The following SLC22A23 variants were observed in gnomAD, a reference collection of about 807,000 sequenced individuals.
SLC22A23 encodes the protein ion transporter protein.
Under a neutral mutation model 61.0 loss-of-function variants are expected in SLC22A23, and 26 were observed. That is an observed-to-expected ratio of 0.43 (90% CI 0.31 to 0.59). The LOEUF (loss-of-function observed/expected upper bound fraction) is 0.59. Ranked by LOEUF, SLC22A23 falls within the 20% of genes least tolerant of loss-of-function variation. SLC22A23 has a pLI of 0.11. For synonymous variants in SLC22A23, 430 were observed against 413.9 expected (o/e 1.04, Z -0.47); for missense variants, 796 against 934.7 (o/e 0.85, Z 1.94).
At position 3,324,241 on chromosome 6, in the gene SLC22A23, T is replaced by A. The variant is rs191562730; in HGVS notation, c.914-239A>T. ...ACAGGGCTAGTCGATGACGAAGGGATGCTATAATTCAGAGGAGCTTAGCTC... is the reference window on the plus strand; with the variant it reads ...ACAGGGCTAGTCGATGACGAAGGGAAGCTATAATTCAGAGGAGCTTAGCTC... On this transcript the variant is annotated intron_variant, in intron 3 of 9. Transcript: ENST00000406686. The surrounding 1 kb of genome is among the most constrained non-coding windows in gnomAD (Gnocchi z 4.3). 1,804 of 547,302 alleles carry A rather than the reference T, an allele frequency of 3.3e-3. 8 individuals are homozygous for A. The highest frequency in any genetic ancestry group is 4.7e-3 in the Non-Finnish European group (1,432 of 306,320). 33.9% of individuals were successfully genotyped at this position (547,302 alleles called of 1,614,324 possible). A position where few individuals can be genotyped will look rare whatever the true frequency, so the allele number is the denominator to read the frequency against.
At chr6:3,418,195 G>A (rs971534616) in intron 1 of SLC22A23, among the ~76,000 whole-genome samples, 5 of 152,166 alleles carry the variant, frequency 3.3e-5, no homozygotes, top group Admixed American at 1.3e-4. Flanking sequence ...AACACATCCC[G>A]ACCCCAGGTT....
At chr6:3,434,675 T>C (rs561048637) in intron 1 of SLC22A23, among the ~76,000 whole-genome samples, 16 of 152,002 alleles carry the variant, frequency 1.1e-4, no homozygotes, top group African/African-American at 3.6e-4. Context: ...ATCTGATGGA[T>C]TGCGAGGAGC....
At chr6:3,293,175 T>G (rs1760765711) in intron 5 of SLC22A23, among the ~76,000 whole-genome samples, 1 of 152,112 alleles carries the variant, frequency 6.6e-6, no homozygotes, top group Non-Finnish European at 1.5e-5. Flanking sequence ...GCTAGTGCGT[T>G]AGGGGTGAAA....
At chr6:3,334,824 T>G (rs977381136) in intron 3 of SLC22A23, among the ~76,000 whole-genome samples, 21 of 152,220 alleles carry the variant, frequency 1.4e-4, no homozygotes, top group African/African-American at 5.1e-4. Flanking sequence ...GACTGCACAC[T>G]GCCAGTCTGC....
chr6:3,424,177 T>C (rs1770326769), intron 1 of SLC22A23, among the ~76,000 whole-genome samples: 1 of 152,150 alleles, frequency 6.6e-6, no homozygotes. Context: ...CACTACCTCC[T>C]GCCCCAACCC....
rs945847736 is a variant in SLC22A23, at chr6:3,304,633, G to A, written c.1083-6415C>T. ...TTGGATAGAAGCCCGCATGGCGTGG[G>A]TTGTAGTGGGGGCAGTCCCAGGCAG... On this transcript the variant is annotated intron_variant, in intron 4 of 9. Coordinates refer to ENST00000406686, the MANE Select transcript of SLC22A23 (RefSeq NM_015482.2). This position sits in a 1 kb window ranked among gnomAD's most constrained non-coding sequence, Gnocchi z 4.3. 2.6e-5 allele frequency among the ~76,000 whole-genome samples: 4 copies of A among 151,708 alleles called. No homozygotes were observed. The highest frequency in any genetic ancestry group is 9.7e-5 in the African/African-American group (4 of 41,416).
In SLC22A23 at chr6:3,272,958, G is replaced by A. The variant is rs372610873; in HGVS notation, c.*97C>T. The A allele has an allele frequency of 3.6e-5, 41 of 1,147,300 alleles. 1 individual carries two copies. The highest frequency in any genetic ancestry group is 2.9e-4 in the Admixed American group (12 of 40,812). The allele number at this position is 1,147,300 out of a possible 1,614,324, so 71.1% of individuals were successfully genotyped here. A position where few individuals can be genotyped will look rare whatever the true frequency, so the allele number is the denominator to read the frequency against. ...AGTTGAGAGGCTCAGCTTGGCTGAG[G>A]CAGCTTTCCCACCCCTGGCTGCGTG... On this transcript the variant is annotated 3_prime_UTR_variant, in exon 10 of 10. Coordinates refer to ENST00000406686, the MANE Select transcript of SLC22A23 (RefSeq NM_015482.2).
At chr6:3,382,038 A>T (rs1287862781) in intron 3 of SLC22A23, among the ~76,000 whole-genome samples, 1 of 152,230 alleles carries the variant, frequency 6.6e-6, no homozygotes, top group Non-Finnish European at 1.5e-5. Flanking sequence ...AAGGGGAATA[A>T]CTCAGTGGAG....
intron 1 of SLC22A23, among the ~76,000 whole-genome samples, chr6:3,450,814 T>C (rs9503599): frequency 0.41 from 61,965 of 152,000 alleles, 13,087 homozygotes; most frequent in South Asian, 0.63. Context: ...CATCATATGA[T>C]AACTAGGATC....
chr6:3,342,235 C>T lies in SLC22A23; in HGVS notation c.914-18233G>A, dbSNP rs1764194093. ...GGAAGCCTCAATTTGAAATCCAGCCCAATGTGGTTTGCTGTTTTAAGGCCA... is the reference window on the plus strand; with the variant it reads ...GGAAGCCTCAATTTGAAATCCAGCCTAATGTGGTTTGCTGTTTTAAGGCCA... On this transcript the variant is annotated intron_variant, in intron 3 of 9. Transcript: ENST00000406686. This position sits in a 1 kb window ranked among gnomAD's most constrained non-coding sequence, Gnocchi z 4.0. Among the ~76,000 whole-genome samples, 1 of 152,136 alleles carries T rather than the reference C, an allele frequency of 6.6e-6. No individual in the cohort carries two copies. The highest frequency in any genetic ancestry group is 1.5e-5 in the Non-Finnish European group (1 of 68,026).
chr6:3,435,241 A>T (rs1389937950), intron 1 of SLC22A23, among the ~76,000 whole-genome samples: 1 of 151,980 alleles, frequency 6.6e-6, no homozygotes, highest in African/African-American at 2.4e-5. Flanking sequence ...GGCATCTGTA[A>T]AACACTCAGC....
Position 3,330,511 on chromosome 6 carries a change from C to T in SLC22A23, c.914-6509G>A, listed in dbSNP as rs1763526902. Reference sequence around the variant, plus strand: ...TCCCTGCACCCTCCCTCCTTCCTGTCACTCCCCAAGTGGGCCTGGAAGTGA... The same window carrying T: ...TCCCTGCACCCTCCCTCCTTCCTGTTACTCCCCAAGTGGGCCTGGAAGTGA... On this transcript the variant is annotated intron_variant, in intron 3 of 9. Coordinates refer to ENST00000406686, the MANE Select transcript of SLC22A23 (RefSeq NM_015482.2). This position sits in a 1 kb window ranked among gnomAD's most constrained non-coding sequence, Gnocchi z 4.7. Among the ~76,000 whole-genome samples, 1 of 152,250 alleles carries T rather than the reference C, an allele frequency of 6.6e-6. No individual in the cohort carries two copies. Among genetic ancestry groups the T allele is most frequent in the Non-Finnish European group, 1.5e-5 (1 of 68,042 alleles).
intron 4 of SLC22A23, among the ~76,000 whole-genome samples, chr6:3,315,144 AT>A (rs1168202375): frequency 7.3e-6 from 1 of 137,798 alleles, no homozygotes; most frequent in Non-Finnish European, 1.6e-5. Flanking sequence ...TGTGCACCTG[AT>A]TAAAAGTCTT....
Position 3,381,431 on chromosome 6 carries a change from A to T in SLC22A23, c.913+28757T>A, listed in dbSNP as rs111461685. On this transcript the variant is annotated intron_variant, in intron 3 of 9. Coordinates refer to ENST00000406686, the MANE Select transcript of SLC22A23 (RefSeq NM_015482.2). ...TTGGGCAGGATCAACTAACTACAGG[A>T]CAGCAGAATGGGGCTGACTGAGTAG... Among the ~76,000 whole-genome samples the T allele has an allele frequency of 4.5e-4, 69 of 152,334 alleles. 2 individuals carry two copies. The highest frequency in any genetic ancestry group is 1.6e-3 in the African/African-American group (66 of 41,580).
intron 3 of SLC22A23, among the ~76,000 whole-genome samples, chr6:3,353,133 T>C (rs1764876049): frequency 6.6e-6 from 1 of 152,368 alleles, no homozygotes; most frequent in South Asian, 2.1e-4. Context: ...TAAAATTACA[T>C]GTAAGTATTA....
rs1581699811 is a variant in SLC22A23, at chr6:3,329,530, G to A, written c.914-5528C>T. Among the ~76,000 whole-genome samples the A allele has an allele frequency of 6.6e-6, 1 of 152,208 alleles. No homozygotes were observed. The highest frequency in any genetic ancestry group is 1.9e-4 in the East Asian group (1 of 5,186). On this transcript the variant is annotated intron_variant, in intron 3 of 9. Transcript: ENST00000406686. The surrounding 1 kb of genome is among the most constrained non-coding windows in gnomAD (Gnocchi z 4.8). ...CACAGAATTGTGCCCGCGGAACAAA[G>A]CGTGCCATGCAGGGTATGGGATGAG...
intron 3 of SLC22A23, among the ~76,000 whole-genome samples, chr6:3,394,597 C>A (rs756584211): frequency 6.6e-6 from 1 of 152,200 alleles, no homozygotes; most frequent in Non-Finnish European, 1.5e-5. Context: ...TTCATGGCAG[C>A]CCCTGGAATC....
At chr6:3,430,354 C>G (rs972805933) in intron 1 of SLC22A23, among the ~76,000 whole-genome samples, 1 of 152,154 alleles carries the variant, frequency 6.6e-6, no homozygotes, top group Non-Finnish European at 1.5e-5. Flanking sequence ...AGACTGCCCC[C>G]CTCCCTCAGT....
rs1390560362 is a variant in SLC22A23, at chr6:3,333,257, C to T, written c.914-9255G>A. ...GGAAGGAAGAACTTGTATTCAGCAA[C>T]AAGGGCCAGCTCTTTGCCCTGAAAT... On this transcript the variant is annotated intron_variant, in intron 3 of 9. Coordinates refer to ENST00000406686, the MANE Select transcript of SLC22A23 (RefSeq NM_015482.2). The surrounding 1 kb of genome is among the most constrained non-coding windows in gnomAD (Gnocchi z 4.1). Among the ~76,000 whole-genome samples the T allele has an allele frequency of 6.6e-6, 1 of 152,196 alleles. No individual in the cohort carries two copies. The highest frequency in any genetic ancestry group is 1.5e-5 in the Non-Finnish European group (1 of 68,030).
Sources: gnomAD v4.1 joint callset for allele counts (sites outside exome capture counted in the v4.1 genomes callset) on GRCh38, gnomAD v4.1.1 for gene constraint, Gnocchi (gnomAD v3.1) non-coding constraint, MANE v1.5 for transcripts, NCBI Gene and HGNC (gene_info 2026-07-23, HGNC 2026-07-21) for gene names.